Variants in MSN observed in about 807,000 individuals in gnomAD.
MSN encodes moesin, also known as epididymis luminal protein 70.
A neutral mutation model predicts 48.0 loss-of-function variants in MSN; 2 were observed. That is an observed-to-expected ratio of 0.04 (90% CI 0.02 to 0.13). MSN has a LOEUF of 0.13. MSN is among the 10% of genes least tolerant of loss of function. The pLI, the probability that MSN is intolerant of heterozygous loss-of-function variation, is 1.00. For synonymous variants in MSN, 146 were observed against 166.9 expected (o/e 0.87, Z 0.97); for missense variants, 267 against 470.1 (o/e 0.57, Z 3.99).
intron 1 of MSN, among the ~76,000 whole-genome samples, chrX:65,626,506 G>T (rs1336408271): frequency 9.0e-6 from 1 of 111,222 alleles, no homozygotes; most frequent in Admixed American, 9.6e-5. Context: ...TTTTTGCAAA[G>T]GTTGTATCCC....
At chrX:65,643,638 G>A (rs1450056728) in intron 1 of MSN, among the ~76,000 whole-genome samples, 1 of 112,003 alleles carries the variant, frequency 8.9e-6, no homozygotes, top group Non-Finnish European at 1.9e-5. Context: ...AACTTCCCAA[G>A]TGATTCTAAT....
At chrX:65,720,422 A>C (rs1263126882) in intron 2 of MSN, among the ~76,000 whole-genome samples, 1 of 112,407 alleles carries the variant, frequency 8.9e-6, no homozygotes, top group East Asian at 2.8e-4. Context: ...AGTCAGAGGG[A>C]CAGAGGTGGA....
chrX:65,648,898 TAAATAAAATAAAATA>T (rs761919813), intron 1 of MSN, among the ~76,000 whole-genome samples: 12 of 107,071 alleles, frequency 1.1e-4, no homozygotes, highest in African/African-American at 3.7e-4. Flanking sequence ...ATAAATAAAA[TAAATAAAATAAAATA>T]AAATAAAATA....
chrX:65,684,393 C>G (rs2071090342), intron 1 of MSN, among the ~76,000 whole-genome samples: 1 of 111,319 alleles, frequency 9.0e-6, no homozygotes, highest in South Asian at 3.7e-4. Flanking sequence ...CATTAATAAG[C>G]AAATCAGCAA....
intron 1 of MSN, among the ~76,000 whole-genome samples, chrX:65,694,608 C>T (rs767676314): frequency 8.9e-5 from 10 of 112,159 alleles, no homozygotes; most frequent in South Asian, 3.7e-4. Flanking sequence ...GGATTACAGG[C>T]GTGAGCCACC....
At chrX:65,616,833 G>T (rs1294937064) in intron 1 of MSN, among the ~76,000 whole-genome samples, 1 of 109,854 alleles carries the variant, frequency 9.1e-6, no homozygotes, top group Non-Finnish European at 1.9e-5. Context: ...GTATGATATT[G>T]GCTGTGGGTT....
chrX:65,671,671 G>A (rs973354981), intron 1 of MSN, among the ~76,000 whole-genome samples: 18 of 111,963 alleles, frequency 1.6e-4, no homozygotes, highest in African/African-American at 5.8e-4. Flanking sequence ...CTTTGTGAAA[G>A]TGTAGATGAT....
chrX:65,701,255 T>A (rs1323799795), intron 1 of MSN, among the ~76,000 whole-genome samples: 1 of 111,839 alleles, frequency 8.9e-6, no homozygotes, highest in African/African-American at 3.3e-5. Context: ...TCCCACTGTT[T>A]GATTCTTAGC....
chrX:65,645,750 C>G (rs2070690488), intron 1 of MSN, among the ~76,000 whole-genome samples: 1 of 111,429 alleles, frequency 9.0e-6, no homozygotes, highest in Non-Finnish European at 1.9e-5. Flanking sequence ...GCCCAGCTGC[C>G]TCCACCTTGA....
chrX:65,652,090 T>G (rs1266002616), intron 1 of MSN, among the ~76,000 whole-genome samples: 2 of 108,458 alleles, frequency 1.8e-5, no homozygotes, highest in Non-Finnish European at 3.8e-5. Context: ...GTCTATGAGG[T>G]CAGAGCCCTG....
intron 1 of MSN, among the ~76,000 whole-genome samples, chrX:65,714,493 T>C (rs1418423795): frequency 8.9e-6 from 1 of 111,819 alleles, no homozygotes; most frequent in African/African-American, 3.3e-5. Context: ...TTATTTTTTT[T>C]TGATTTTTTA....
intron 1 of MSN, among the ~76,000 whole-genome samples, chrX:65,691,706 A>G (rs912605683): frequency 9.0e-6 from 1 of 111,313 alleles, no homozygotes; most frequent in African/African-American, 3.3e-5. Flanking sequence ...GGGTTTCACC[A>G]TGTTGGCCAG....
chrX:65,692,748 C>T (rs778921625), intron 1 of MSN, among the ~76,000 whole-genome samples: 1 of 111,474 alleles, frequency 9.0e-6, no homozygotes, highest in East Asian at 2.8e-4. Flanking sequence ...GGCATGATCT[C>T]GGCTCACTGC....
rs747221000 is a variant in MSN at position 65,591,193 on chromosome X, T to C, written c.-22+2581T>C. On this transcript the variant is annotated intron_variant, in intron 1 of 3. Coordinates refer to the MSN transcript ENST00000609672. Reference sequence around the variant, plus strand: ...TGGAAAGAGGTGTGTGCCTTTCTCCTGATTTGGGTGGCTGATATCTTATCC... The same window carrying C: ...TGGAAAGAGGTGTGTGCCTTTCTCCCGATTTGGGTGGCTGATATCTTATCC... Among the ~76,000 whole-genome samples, 5 of 111,785 alleles carry C rather than the reference T, an allele frequency of 4.5e-5. No homozygotes were observed. The South Asian group carries it at 1.9e-3, about 42-fold the overall frequency.
At position 65,614,660 on chromosome X, in the gene MSN, ACT is replaced by A. The variant is rs745867568; in HGVS notation, c.-22+26053_-22+26054del. ...TGAATCAGAGTTCATTCATGATTTG[ACT>A]CTCTGTTTTTTTTTTTCTTTTATTT... On this transcript the variant is annotated intron_variant, in intron 1 of 3. Coordinates refer to the MSN transcript ENST00000609672. 6.4e-4 allele frequency among the ~76,000 whole-genome samples: 37 copies of A among 58,171 alleles called. 1 individual carries two copies. In the South Asian group the frequency reaches 6.9e-3, roughly 11 times the overall value. 50.5% of individuals were successfully genotyped at this position (58,171 alleles called of 115,157 possible).
chrX:65,612,885 CT>C (rs1418010057), intron 1 of MSN, among the ~76,000 whole-genome samples: 17 of 104,456 alleles, frequency 1.6e-4, no homozygotes, highest in South Asian at 4.2e-4. Context: ...TACGATACAA[CT>C]TTTTTTTATA....
intron 1 of MSN, among the ~76,000 whole-genome samples, chrX:65,706,570 T>C (rs2071364410): frequency 8.9e-6 from 1 of 111,968 alleles, no homozygotes; most frequent in African/African-American, 3.3e-5. Flanking sequence ...AAGCAGTGCT[T>C]CCCAGATGTG....
At chrX:65,595,148 C>T (rs1227829848) in intron 1 of MSN, among the ~76,000 whole-genome samples, 1 of 112,259 alleles carries the variant, frequency 8.9e-6, no homozygotes, top group Admixed American at 9.4e-5. Flanking sequence ...CCCAGGCATA[C>T]ATTTTATCTT....
intron 1 of MSN, among the ~76,000 whole-genome samples, chrX:65,651,544 C>T (rs2070741924): frequency 1.0e-5 from 1 of 100,166 alleles, no homozygotes; most frequent in South Asian, 4.3e-4. Context: ...TAAAAATGGG[C>T]AAGGAAAGAA....
Sources: gnomAD v4.1 joint callset for allele counts (sites outside exome capture counted in the v4.1 genomes callset) on GRCh38, gnomAD v4.1.1 for gene constraint, MANE v1.5 for transcripts, NCBI Gene and HGNC (gene_info 2026-07-23, HGNC 2026-07-21) for gene names.